DPYD: variants seen among roughly 807,000 people sequenced by gnomAD.
The protein encoded by DPYD is dihydropyrimidine dehydrogenase, also known as dihydropyrimidine dehydrogenase [NADP(+)].
A neutral mutation model predicts 116.2 loss-of-function variants in DPYD; 109 were observed. The observed-to-expected ratio is 0.94, with a 90% CI of 0.80 to 1.10. The LOEUF (loss-of-function observed/expected upper bound fraction) is 1.10, where lower values mean the gene tolerates loss of function less well. Among genes scored for constraint, DPYD ranks in the 50% least tolerant of loss-of-function variants. DPYD has a pLI of 0.00. For synonymous variants in DPYD, 440 were observed against 432.0 expected (o/e 1.02, Z -0.23); for missense variants, 1,302 against 1,254.5 (o/e 1.04, Z -0.57).
intron 8 of DPYD, among the ~76,000 whole-genome samples, chr1:97,668,374 T>A (rs1659676434): frequency 6.6e-6 from 1 of 152,056 alleles, no homozygotes; most frequent in Non-Finnish European, 1.5e-5. Flanking sequence ...AAATGTAAAA[T>A]AGAGATATGA....
intron 3 of DPYD, among the ~76,000 whole-genome samples, chr1:97,791,695 G>A (rs562684951): frequency 1.1e-3 from 161 of 152,240 alleles, no homozygotes; most frequent in Admixed American, 1.9e-3. Flanking sequence ...CTAGTGTATT[G>A]ACTAACCTAA....
At chr1:97,305,763 C>T (rs1056495457) in intron 17 of DPYD, among the ~76,000 whole-genome samples, 2 of 151,874 alleles carry the variant, frequency 1.3e-5, no homozygotes, top group African/African-American at 4.8e-5. Context: ...CAGCTAGGCC[C>T]TACAAAATAT....
chr1:97,895,538 T>C (rs2101671046), intron 1 of DPYD, among the ~76,000 whole-genome samples: 1 of 151,838 alleles, frequency 6.6e-6, no homozygotes, highest in Non-Finnish European at 1.5e-5. Flanking sequence ...GAAATATATA[T>C]ATGGGCTGGC....
At chr1:97,596,501 G>C (rs1362970088) in intron 8 of DPYD, among the ~76,000 whole-genome samples, 1 of 152,134 alleles carries the variant, frequency 6.6e-6, no homozygotes, top group Non-Finnish European at 1.5e-5. Flanking sequence ...AAGGCAAGTA[G>C]AGAAATAATT....
intron 20 of DPYD, among the ~76,000 whole-genome samples, chr1:97,102,483 C>CTATCTATCTATCTA (rs1379932162): frequency 2.5e-5 from 2 of 78,916 alleles, no homozygotes; most frequent in African/African-American, 9.9e-5. Flanking sequence ...ATCTATCTAT[C>CTATCTATCTATCTA]TATCTATCTA....
At chr1:97,826,343 A>T (rs1453238514) in intron 3 of DPYD, among the ~76,000 whole-genome samples, 1 of 152,114 alleles carries the variant, frequency 6.6e-6, no homozygotes. Context: ...TCCTACACTG[A>T]TTACATATCC....
intron 2 of DPYD, among the ~76,000 whole-genome samples, chr1:97,840,202 A>G (rs534722790): frequency 1.3e-5 from 2 of 152,142 alleles, no homozygotes; most frequent in Non-Finnish European, 2.9e-5. Context: ...AGGAGACAAC[A>G]ATAAAGTATT....
Position 97,883,193 on chromosome 1 carries a change from GT to G in DPYD, c.150+70del. On this transcript the variant is annotated intron_variant, in intron 2 of 22. Coordinates refer to ENST00000370192, the MANE Select transcript of DPYD (RefSeq NM_000110.4). Reference sequence around the variant, plus strand: ...TTTAATACCTTATTTCTAAGTGTATGTAAAATCTTGCCTTACAATGTGTGGA... The same window carrying G: ...TTTAATACCTTATTTCTAAGTGTATGAAAATCTTGCCTTACAATGTGTGGA... The G allele has an allele frequency of 9.2e-6, 9 of 975,658 alleles. No homozygotes were observed. In the South Asian group the frequency reaches 1.2e-4, roughly 13 times the overall value. The allele number at this position is 975,658 out of a possible 1,614,324, so 60.4% of individuals were successfully genotyped here. A position where few individuals can be genotyped will look rare whatever the true frequency, so the allele number is the denominator to read the frequency against.
At chr1:97,726,890 A>G (rs1015336296) in intron 4 of DPYD, among the ~76,000 whole-genome samples, 2 of 151,748 alleles carry the variant, frequency 1.3e-5, no homozygotes, top group Non-Finnish European at 3.0e-5. Flanking sequence ...AGTTATACTT[A>G]TGGCTCATGA....
chr1:97,638,748 G>GC (rs1657712254), intron 8 of DPYD, among the ~76,000 whole-genome samples: 2 of 152,042 alleles, frequency 1.3e-5, no homozygotes, highest in African/African-American at 4.8e-5. Flanking sequence ...GAGAGAGAGA[G>GC]CAAGAGAGAA....
intron 19 of DPYD, among the ~76,000 whole-genome samples, chr1:97,206,684 ATATAATC>A (rs1659650365): frequency 1.1e-5 from 1 of 90,290 alleles, no homozygotes; most frequent in Non-Finnish European, 2.2e-5. Context: ...ATATATATAT[ATATAATC>A]TATATGCTTA....
chr1:97,184,111 G>A (rs1214436761), intron 20 of DPYD, among the ~76,000 whole-genome samples: 1 of 151,960 alleles, frequency 6.6e-6, no homozygotes, highest in African/African-American at 2.4e-5. Context: ...CCTTTTTATG[G>A]TTGCATAGTA....
intron 16 of DPYD, among the ~76,000 whole-genome samples, chr1:97,369,498 T>C (rs991493728): frequency 2.0e-5 from 3 of 152,174 alleles, no homozygotes; most frequent in Non-Finnish European, 4.4e-5. Context: ...TTCAGGCTAA[T>C]ATCAAATCAA....
At chr1:97,477,399 A>G (rs1166118238) in intron 13 of DPYD, among the ~76,000 whole-genome samples, 3 of 152,178 alleles carry the variant, frequency 2.0e-5, no homozygotes, top group Non-Finnish European at 4.4e-5. Context: ...TTTCTAACAT[A>G]TCTTCAGTTA....
intron 1 of DPYD, among the ~76,000 whole-genome samples, chr1:97,884,661 C>G (rs1486289607): frequency 6.6e-6 from 1 of 151,986 alleles, no homozygotes; most frequent in African/African-American, 2.4e-5. Context: ...AATCTAGATC[C>G]ATTTTTCTGT....
At chr1:97,178,833 A>T (rs187844729) in intron 20 of DPYD, among the ~76,000 whole-genome samples, 138 of 152,282 alleles carry the variant, frequency 9.1e-4, no homozygotes, top group Admixed American at 3.1e-3. Context: ...TTCCTTTCTT[A>T]CTCAGAAAAA....
At chr1:97,309,663 T>C (rs1374626237) in intron 16 of DPYD, among the ~76,000 whole-genome samples, 2 of 151,868 alleles carry the variant, frequency 1.3e-5, no homozygotes, top group African/African-American at 4.8e-5. Context: ...GCCCAGTGTC[T>C]GCCTGCAACT....
intron 8 of DPYD, among the ~76,000 whole-genome samples, chr1:97,660,253 T>C (rs1485662864): frequency 6.6e-6 from 1 of 152,074 alleles, no homozygotes; most frequent in Non-Finnish European, 1.5e-5. Context: ...TTGATTTTAT[T>C]TATATATGCT....
At chr1:97,610,478 G>C (rs1313279531) in intron 8 of DPYD, among the ~76,000 whole-genome samples, 1 of 151,922 alleles carries the variant, frequency 6.6e-6, no homozygotes, top group East Asian at 1.9e-4. Flanking sequence ...GTTTGCAGTG[G>C]GAATGAAAGA....
Sources: gnomAD v4.1 joint callset for allele counts (sites outside exome capture counted in the v4.1 genomes callset) on GRCh38, gnomAD v4.1.1 for gene constraint, MANE v1.5 for transcripts, NCBI Gene and HGNC (gene_info 2026-07-23, HGNC 2026-07-21) for gene names.